Variants in PALLD observed in about 807,000 individuals in gnomAD.
The protein encoded by PALLD is palladin.
PALLD carries 61 observed loss-of-function variants against 123.5 expected under a neutral mutation model. The ratio of observed to expected loss-of-function variants is 0.49; its 90% CI spans 0.40 to 0.61. PALLD has a LOEUF of 0.61. Ranked by LOEUF, PALLD falls within the 20% of genes least tolerant of loss-of-function variation. The pLI, the probability that PALLD is intolerant of heterozygous loss-of-function variation, is 0.00. For synonymous variants in PALLD, 465 were observed against 496.4 expected (o/e 0.94, Z 0.84); for missense variants, 1,273 against 1,377.0 (o/e 0.92, Z 1.20).
In PALLD at chr4:168,685,162, C is replaced by T. The variant is rs567421643; in HGVS notation, c.1261-323C>T. Among the ~76,000 whole-genome samples, 11 of 152,272 alleles carry T rather than the reference C, an allele frequency of 7.2e-5. No homozygotes were observed. The East Asian group carries it at 7.7e-4, about 11-fold the overall frequency. On this transcript the variant is annotated intron_variant, in intron 5 of 21. Coordinates refer to ENST00000505667, the MANE Select transcript of PALLD (RefSeq NM_001166108.2). Reference sequence around the variant, plus strand: ...ATTTAAAAATAAAATACATTGTCTACGAGAACTTTAAAAAAGACGCATGTG... The same window carrying T: ...ATTTAAAAATAAAATACATTGTCTATGAGAACTTTAAAAAAGACGCATGTG...
chr4:168,889,882 A>G (rs2151188167), intron 10 of PALLD, among the ~76,000 whole-genome samples: 1 of 152,322 alleles, frequency 6.6e-6, no homozygotes, highest in South Asian at 2.1e-4. Context: ...CCACACCTTG[A>G]GAACCACTGC....
At chr4:168,628,197 C>T (rs935238574) in intron 2 of PALLD, among the ~76,000 whole-genome samples, 5 of 152,196 alleles carry the variant, frequency 3.3e-5, no homozygotes, top group Admixed American at 6.5e-5. Context: ...AGATTGGAAA[C>T]AAGTCAAATG....
At chr4:168,519,217 A>G (rs7661751) in intron 2 of PALLD, among the ~76,000 whole-genome samples, 112,658 of 152,160 alleles carry the variant, frequency 0.74, 41,931 homozygotes, top group East Asian at 0.86. Flanking sequence ...GTGATTTGTG[A>G]GGAGTCAACT....
intron 2 of PALLD, among the ~76,000 whole-genome samples, chr4:168,538,978 CTGA>C (rs1765351628): frequency 6.6e-6 from 1 of 152,162 alleles, no homozygotes; most frequent in South Asian, 2.1e-4. Flanking sequence ...CCTAAAAAGG[CTGA>C]TCTTATGGGC....
At chr4:168,828,660 A>G (rs983708628) in intron 10 of PALLD, among the ~76,000 whole-genome samples, 1 of 152,256 alleles carries the variant, frequency 6.6e-6, no homozygotes, top group African/African-American at 2.4e-5. Flanking sequence ...ATGAAAAGGA[A>G]TGATTTGAAG....
At chr4:168,536,828 TCTC>T (rs1765139186) in intron 2 of PALLD, among the ~76,000 whole-genome samples, 1 of 118,908 alleles carries the variant, frequency 8.4e-6, no homozygotes, top group African/African-American at 3.8e-5. Flanking sequence ...GAAAAGGTTC[TCTC>T]TTTTTTTTTT....
In PALLD at chr4:168,512,204, G is replaced by T. The variant is rs771616878; in HGVS notation, c.700G>T (p.Val234Phe). Residue 234 changes from valine to phenylalanine, a missense_variant, in exon 2 of 22, where the codon GTC becomes TTC. By Grantham distance (50) the Val-to-Phe change is conservative. This residue lies in a region of PALLD where 944 missense variants were observed against 954.5 expected (regional missense o/e 0.99). Coordinates refer to ENST00000505667, the MANE Select transcript of PALLD (RefSeq NM_001166108.2). ...MEDQGEMEREVKSPGARHCYQ... is the reference protein window; with the variant it reads ...MEDQGEMEREFKSPGARHCYQ... ...AGACCAAGGGGAGATGGAAAGAGAG[G>T]TCAAGTCCCCTGGGGCCAGGCATTG... 1 of 1,613,724 alleles carries T rather than the reference G, an allele frequency of 6.2e-7. No homozygotes were observed. Among genetic ancestry groups the T allele is most frequent in the Non-Finnish European group, 8.5e-7 (1 of 1,179,744 alleles).
In PALLD at chr4:168,668,063, T is replaced by C. The variant is rs2723705; in HGVS notation, c.909-127T>C. ...AGAGTTTCCATTAGTAACACTGACA[T>C]TGTTTTTTTTTTAATCAAACAAACA... is the stretch of plus-strand genomic sequence containing the variant. On this transcript the variant is annotated intron_variant, in intron 2 of 21. Transcript: ENST00000505667. 340,482 of 750,994 alleles carry C rather than the reference T, an allele frequency of 0.45. 79,687 individuals are homozygous for C. Among genetic ancestry groups the C allele is most frequent in the African/African-American group, 0.57 (33,307 of 57,984 alleles). 46.5% of individuals were successfully genotyped at this position (750,994 alleles called of 1,614,324 possible). A position where few individuals can be genotyped will look rare whatever the true frequency, so the allele number is the denominator to read the frequency against.
chr4:168,559,498 A>C (rs1767646567), intron 2 of PALLD, among the ~76,000 whole-genome samples: 1 of 152,226 alleles, frequency 6.6e-6, no homozygotes, highest in Non-Finnish European at 1.5e-5. Context: ...CATAGCTGAA[A>C]AATTTTAAGA....
intron 3 of PALLD, among the ~76,000 whole-genome samples, chr4:168,679,827 G>A (rs1354133950): frequency 6.6e-6 from 1 of 151,968 alleles, no homozygotes; most frequent in East Asian, 1.9e-4. Flanking sequence ...ACACAGGGAG[G>A]GCAACGATGA....
chr4:168,585,702 C>T (rs543998866), intron 2 of PALLD, among the ~76,000 whole-genome samples: 34 of 152,200 alleles, frequency 2.2e-4, no homozygotes, highest in African/African-American at 7.9e-4. Flanking sequence ...GAGACACCAG[C>T]TGAGGGAGCC....
In PALLD at chr4:168,925,020, T is replaced by A; in HGVS notation, c.3300T>A (p.Thr1100=). The A allele has an allele frequency of 6.2e-7, 1 of 1,614,136 alleles. No homozygotes were observed. The highest frequency in any genetic ancestry group is 8.5e-7 in the Non-Finnish European group (1 of 1,179,986). ...GATKEDAGWY[T]VSAKNEAGIV... is the part of the protein sequence containing the mutation. The stretch of plus-strand genomic sequence containing the variant: ...CAAAAGAAGATGCTGGGTGGTATAC[T>A]GTGTCAGCCAAGAATGAAGCAGGGA... Residue 1100 remains threonine, a synonymous_variant, in exon 20 of 22, where the codon ACT becomes ACA. Transcript: ENST00000505667.
chr4:168,656,733 T>C (rs1372161723), intron 2 of PALLD, among the ~76,000 whole-genome samples: 2 of 152,244 alleles, frequency 1.3e-5, no homozygotes, highest in African/African-American at 2.4e-5. Context: ...AGTATTTTCA[T>C]GTGCCATGCC....
intron 2 of PALLD, among the ~76,000 whole-genome samples, chr4:168,538,458 TA>T (rs1765296076): frequency 6.6e-6 from 1 of 151,300 alleles, no homozygotes; most frequent in Non-Finnish European, 1.5e-5. Flanking sequence ...TAAAATAAAA[TA>T]AAATAAAATT....
At chr4:168,624,404 G>A (rs751682021) in intron 2 of PALLD, among the ~76,000 whole-genome samples, 57 of 151,788 alleles carry the variant, frequency 3.8e-4, no homozygotes, top group African/African-American at 7.3e-4. Context: ...TCCACCCCCC[G>A]CAAAAAAGCT....
intron 2 of PALLD, among the ~76,000 whole-genome samples, chr4:168,621,740 G>A (rs187784778): frequency 6.6e-6 from 1 of 152,186 alleles, no homozygotes; most frequent in Non-Finnish European, 1.5e-5. Flanking sequence ...TCTCTTGGCA[G>A]GTGTGACCCA....
chr4:168,761,660 T>TTTTTTTTTTTTTTTTTTTTTTTG (rs1561493960), intron 10 of PALLD, among the ~76,000 whole-genome samples: 1 of 125,140 alleles, frequency 8.0e-6, no homozygotes, highest in African/African-American at 3.4e-5. Flanking sequence ...TTTTTTTTTT[T>TTTTTTTTTTTTTTTTTTTTTTTG]TTTTTTTTTT....
chr4:168,628,161 C>G, intron 2 of PALLD, among the ~76,000 whole-genome samples: 1 of 152,256 alleles, frequency 6.6e-6, no homozygotes, highest in Middle Eastern at 3.4e-3. Context: ...CATGTGTGGA[C>G]GTTTGTAACA....
At chr4:168,744,954 C>G (rs1405344904) in intron 10 of PALLD, among the ~76,000 whole-genome samples, 1 of 152,120 alleles carries the variant, frequency 6.6e-6, no homozygotes, top group African/African-American at 2.4e-5. Flanking sequence ...ATGATATTTT[C>G]AACTTACGAT....
Sources: gnomAD v4.1 joint callset for allele counts (sites outside exome capture counted in the v4.1 genomes callset) on GRCh38, gnomAD v4.1.1 for gene constraint, gnomAD v4.1.1 regional missense constraint, MANE v1.5 for transcripts, NCBI Gene and HGNC (gene_info 2026-07-23, HGNC 2026-07-21) for gene names.